The following RAPGEF5 variants were observed in gnomAD, a reference collection of about 807,000 sequenced individuals.
The protein encoded by RAPGEF5 is Rap guanine nucleotide exchange factor 5.
RAPGEF5 carries 65 observed loss-of-function variants against 125.2 expected under a neutral mutation model. The observed-to-expected ratio is 0.52, with a 90% confidence interval of 0.43 to 0.64. RAPGEF5 has a LOEUF of 0.64. Among genes scored for constraint, RAPGEF5 ranks in the 30% least tolerant of loss-of-function variants. The probability of loss-of-function intolerance (pLI) is 0.00; values close to 1 mark genes in which losing one functional copy is unlikely to be tolerated. For synonymous variants in RAPGEF5, 391 were observed against 385.9 expected (o/e 1.01, Z -0.16); for missense variants, 958 against 1,048.1 (o/e 0.91, Z 1.19).
chr7:22,324,317 A>G (rs1328410825), intron 1 of RAPGEF5, among the ~76,000 whole-genome samples: 1 of 152,254 alleles, frequency 6.6e-6, no homozygotes, highest in Non-Finnish European at 1.5e-5. Context: ...AACAGGGACC[A>G]ATAAAAACTA....
At chr7:22,164,691 C>T (rs1252726147) in intron 12 of RAPGEF5, among the ~76,000 whole-genome samples, 1 of 152,060 alleles carries the variant, frequency 6.6e-6, no homozygotes, top group African/African-American at 2.4e-5. Context: ...CATTCTTTTA[C>T]ATTTTGTCTA....
chr7:22,319,304 A>T (rs975751233), intron 1 of RAPGEF5, among the ~76,000 whole-genome samples: 52 of 152,326 alleles, frequency 3.4e-4, no homozygotes, highest in Middle Eastern at 3.4e-3. Flanking sequence ...CTAAATGTAC[A>T]AAACATGCCC....
intron 5 of RAPGEF5, among the ~76,000 whole-genome samples, chr7:22,307,083 G>T (rs1783359797): frequency 6.6e-6 from 1 of 152,086 alleles, no homozygotes; most frequent in African/African-American, 2.4e-5. Flanking sequence ...TTCTATTTCT[G>T]GGAAGAATGT....
intron 7 of RAPGEF5, among the ~76,000 whole-genome samples, chr7:22,262,117 A>G (rs1024735825): frequency 6.6e-6 from 1 of 152,192 alleles, no homozygotes. Context: ...GATGAAAAAG[A>G]CAAGCTACAG....
chr7:22,145,869 C>T (rs1264218987), intron 19 of RAPGEF5, among the ~76,000 whole-genome samples: 2 of 152,078 alleles, frequency 1.3e-5, no homozygotes, highest in African/African-American at 4.8e-5. Context: ...AGGGCAAGGT[C>T]TGATAATTTA....
At chr7:22,127,324 C>T (rs1222956053) in intron 24 of RAPGEF5, among the ~76,000 whole-genome samples, 1 of 152,204 alleles carries the variant, frequency 6.6e-6, no homozygotes, top group Non-Finnish European at 1.5e-5. Context: ...CAGGCATCAG[C>T]CACCCCACCT....
At chr7:22,177,958 A>AAAGATGCCCCTATAAAGTTGTTTCCT in intron 11 of RAPGEF5, among the ~76,000 whole-genome samples, 1 of 152,250 alleles carries the variant, frequency 6.6e-6, no homozygotes, top group Non-Finnish European at 1.5e-5. Flanking sequence ...TTAAATCACC[A>AAAGATGCCCCTATAAAGTTGTTTCCT]AAGATGCCCC....
chr7:22,217,964 T>C (rs1418730726), intron 9 of RAPGEF5, among the ~76,000 whole-genome samples: 1 of 152,034 alleles, frequency 6.6e-6, no homozygotes, highest in Non-Finnish European at 1.5e-5. Context: ...CCAATGTAGA[T>C]TTCTTTTTTT....
intron 1 of RAPGEF5, among the ~76,000 whole-genome samples, chr7:22,352,388 G>A (rs1784346098): frequency 6.6e-6 from 1 of 151,286 alleles, no homozygotes; most frequent in Middle Eastern, 3.2e-3. Flanking sequence ...GGTAAAAGAT[G>A]GGGAAATGAA....
At chr7:22,256,161 C>T (rs1417874808) in intron 7 of RAPGEF5, among the ~76,000 whole-genome samples, 11 of 152,306 alleles carry the variant, frequency 7.2e-5, no homozygotes, top group Middle Eastern at 3.4e-3. Context: ...TCTCCTGCTG[C>T]TCCAGAGGTG....
At chr7:22,267,878 C>T (rs1446539337) in intron 6 of RAPGEF5, among the ~76,000 whole-genome samples, 1 of 148,224 alleles carries the variant, frequency 6.7e-6, no homozygotes, top group Non-Finnish European at 1.5e-5. Context: ...TTTTTTTTTT[C>T]GGCGGGTGGG....
At chr7:22,131,188 T>G in intron 23 of RAPGEF5, 87 bp from the exon 24 acceptor site, 1 of 1,397,140 alleles carries the variant, frequency 7.2e-7, no homozygotes, top group Non-Finnish European at 9.4e-7. Flanking sequence ...ATGCAACTTA[T>G]TCATTTTTCC....
At position 22,251,775 on chromosome 7, in the gene RAPGEF5, C is replaced by CAAAAAAAAAAAAAAAAAAAAAAAA. The variant is rs58681076; in HGVS notation, c.796+15165_796+15188dup. Reference sequence around the variant, plus strand: ...GAGCCCTGCCAGGAAGTTTCATTGACAAAAAAAAAAAAAAAAAAAAAAAAG... The same window carrying CAAAAAAAAAAAAAAAAAAAAAAAA: ...GAGCCCTGCCAGGAAGTTTCATTGACAAAAAAAAAAAAAAAAAAAAAAAAAAAAAAAAAAAAAAAAAAAAAAAAG... On this transcript the variant is annotated intron_variant, in intron 7 of 25. Coordinates refer to ENST00000665637, the MANE Select transcript of RAPGEF5 (RefSeq NM_012294.5). Among the ~76,000 whole-genome samples the CAAAAAAAAAAAAAAAAAAAAAAAA allele has an allele frequency of 2.7e-5, 2 of 73,344 alleles. 1 individual carries two copies. The highest frequency in any genetic ancestry group is 4.9e-5 in the Non-Finnish European group (2 of 40,524). 48.1% of individuals were successfully genotyped at this position (73,344 alleles called of 152,430 possible).
At chr7:22,163,611 T>A (rs747024378) in intron 12 of RAPGEF5, among the ~76,000 whole-genome samples, 1 of 152,206 alleles carries the variant, frequency 6.6e-6, no homozygotes, top group Non-Finnish European at 1.5e-5. Flanking sequence ...TGACCATATG[T>A]AAATTATGCT....
intron 1 of RAPGEF5, among the ~76,000 whole-genome samples, chr7:22,328,696 A>G (rs1217825351): frequency 6.6e-6 from 1 of 152,240 alleles, no homozygotes; most frequent in Non-Finnish European, 1.5e-5. Flanking sequence ...AATGTGTAAT[A>G]CCACCACTTG....
chr7:22,138,907 G>A (rs191135627), intron 21 of RAPGEF5, among the ~76,000 whole-genome samples: 9 of 152,218 alleles, frequency 5.9e-5, no homozygotes, highest in East Asian at 3.9e-4. Context: ...CTAATGAATC[G>A]TGGCATCTGT....
At chr7:22,187,498 G>C (rs996243270) in intron 11 of RAPGEF5, among the ~76,000 whole-genome samples, 3 of 152,156 alleles carry the variant, frequency 2.0e-5, no homozygotes, top group Non-Finnish European at 4.4e-5. Flanking sequence ...GACCATCCAG[G>C]AATTTGTGTC....
intron 11 of RAPGEF5, among the ~76,000 whole-genome samples, chr7:22,186,289 C>A (rs1174438883): frequency 1.3e-5 from 2 of 152,194 alleles, no homozygotes; most frequent in East Asian, 3.8e-4. Context: ...GATACCTATG[C>A]ATACTTCAAA....
chr7:22,167,679 G>A (rs1297137809), intron 11 of RAPGEF5, among the ~76,000 whole-genome samples: 1 of 152,188 alleles, frequency 6.6e-6, no homozygotes, highest in Non-Finnish European at 1.5e-5. Context: ...TCTTTAAGAA[G>A]CTGGGAAAGT....
Sources: allele counts gnomAD v4.1 joint callset (sites outside exome capture counted in the v4.1 genomes callset), GRCh38; gene constraint gnomAD v4.1.1; transcripts MANE v1.5; gene names NCBI Gene and HGNC (gene_info 2026-07-23, HGNC 2026-07-21).